AJAP1: variants seen among roughly 807,000 people sequenced by gnomAD.
AJAP1 encodes the protein adherens junctions associated protein 1.
A neutral mutation model predicts 35.0 loss-of-function variants in AJAP1; 5 were observed. The ratio of observed to expected loss-of-function variants is 0.14; its 90% CI spans 0.07 to 0.30. The LOEUF (loss-of-function observed/expected upper bound fraction) is 0.30, where lower values mean the gene tolerates loss of function less well. Among genes scored for constraint, AJAP1 ranks in the 10% least tolerant of loss-of-function variants. AJAP1 has a pLI of 1.00. For missense variants in AJAP1, 586 were observed against 571.0 expected (o/e 1.03, Z -0.27); for synonymous variants, 284 against 249.3 (o/e 1.14, Z -1.31).
At chr1:4,767,371 ATCG>A (rs928301862) in intron 2 of AJAP1, among the ~76,000 whole-genome samples, 1 of 151,962 alleles carries the variant, frequency 6.6e-6, no homozygotes, top group Non-Finnish European at 1.5e-5. Flanking sequence ...CATTATTACC[ATCG>A]TCACCATCAC....
At chr1:4,781,200 A>G (rs900787737) in intron 5 of AJAP1, among the ~76,000 whole-genome samples, 10 of 152,296 alleles carry the variant, frequency 6.6e-5, no homozygotes, top group Admixed American at 5.9e-4. Flanking sequence ...GAAGGCAGGC[A>G]TGTCCCACCT....
chr1:4,714,367 G>A (rs1364383140), intron 2 of AJAP1, among the ~76,000 whole-genome samples: 1 of 152,148 alleles, frequency 6.6e-6, no homozygotes, highest in Non-Finnish European at 1.5e-5. Flanking sequence ...AGTTTACAGA[G>A]TGTTCATTTT....
rs377213600 is a variant in AJAP1 at position 4,691,689 on chromosome 1, G to A, written c.30-20211G>A. On this transcript the variant is annotated intron_variant, in intron 1 of 5. Coordinates refer to ENST00000378191, the MANE Select transcript of AJAP1 (RefSeq NM_018836.4). ...CCCGCTGACTCCAGGAGTCAGGGGGGCTTAGGAAGGAGGGCCAGGACCTGA... is the reference window on the plus strand; with the variant it reads ...CCCGCTGACTCCAGGAGTCAGGGGGACTTAGGAAGGAGGGCCAGGACCTGA... 6.2e-4 allele frequency among the ~76,000 whole-genome samples: 94 copies of A among 152,286 alleles called. 1 individual carries two copies. The South Asian group carries it at 0.018, about 30-fold the overall frequency.
At position 4,712,089 on chromosome 1, in the gene AJAP1, G is replaced by A; in HGVS notation, c.219G>A (p.Arg73=). Residue 73 remains arginine, a synonymous_variant, in exon 2 of 6, where the codon CGG becomes CGA. Transcript: ENST00000378191. The part of the protein sequence containing the change: ...LWSFRSGQPA[R]VPAPVWSPRP... ...GTTTTAGGAGTGGACAGCCAGCGCG[G>A]GTCCCGGCCCCGGTGTGGAGCCCCC... The A allele has an allele frequency of 1.9e-6, 3 of 1,560,472 alleles. No individual in the cohort carries two copies. Among genetic ancestry groups the A allele is most frequent in the Non-Finnish European group, 2.6e-6 (3 of 1,160,118 alleles).
intron 4 of AJAP1, among the ~76,000 whole-genome samples, chr1:4,772,891 G>A (rs895658657): frequency 2.6e-5 from 4 of 152,084 alleles, no homozygotes; most frequent in Admixed American, 2.6e-4. Flanking sequence ...GATCACAACA[G>A]CCCCCCGACC....
chr1:4,755,074 GA>G (rs1002292914), intron 2 of AJAP1, among the ~76,000 whole-genome samples: 5 of 152,148 alleles, frequency 3.3e-5, no homozygotes, highest in African/African-American at 1.2e-4. Flanking sequence ...GCAGCCCATG[GA>G]GCCGTGGTTG....
At chr1:4,730,981 C>T (rs905887500) in intron 2 of AJAP1, among the ~76,000 whole-genome samples, 4 of 152,216 alleles carry the variant, frequency 2.6e-5, no homozygotes, top group African/African-American at 7.2e-5. Flanking sequence ...GACTCCTTGA[C>T]TTAAAAGGAG....
At chr1:4,768,850 A>G (rs1006734280) in intron 2 of AJAP1, among the ~76,000 whole-genome samples, 1 of 152,154 alleles carries the variant, frequency 6.6e-6, no homozygotes, top group East Asian at 1.9e-4. Context: ...GAAGGATGTG[A>G]CAGATGTGTA....
chr1:4,775,891 G>GC (rs1641930885), intron 5 of AJAP1, among the ~76,000 whole-genome samples: 1 of 152,210 alleles, frequency 6.6e-6, no homozygotes, highest in Non-Finnish European at 1.5e-5. Flanking sequence ...CATGAAGGGA[G>GC]CCCCTACTGG....
At chr1:4,780,617 TTTTC>T (rs1371937094) in intron 5 of AJAP1, among the ~76,000 whole-genome samples, 9 of 145,730 alleles carry the variant, frequency 6.2e-5, no homozygotes, top group Admixed American at 2.8e-4. Flanking sequence ...TTCTTTTTTC[TTTTC>T]TTTCTTTCTT....
At chr1:4,665,950 A>C (rs895598102) in intron 1 of AJAP1, among the ~76,000 whole-genome samples, 8 of 152,212 alleles carry the variant, frequency 5.3e-5, no homozygotes, top group African/African-American at 1.7e-4. Flanking sequence ...AGAGGAAGGA[A>C]GCCCATTGGG....
chr1:4,712,808 A>G (rs1050416281), intron 2 of AJAP1, 109 bp downstream of exon 2: 44 of 1,178,638 alleles, frequency 3.7e-5, no homozygotes, highest in Non-Finnish European at 5.1e-5. Context: ...TGGAGGCTCC[A>G]GGAGATGCAG....
chr1:4,701,061 C>A (rs771431569), intron 1 of AJAP1, among the ~76,000 whole-genome samples: 1 of 152,240 alleles, frequency 6.6e-6, no homozygotes, highest in Non-Finnish European at 1.5e-5. Context: ...GGGCACGTTG[C>A]CCAGGCAACC....
chr1:4,769,914 C>G lies in AJAP1; in HGVS notation c.891C>G (p.Leu297=). 1 of 1,614,068 alleles carries G rather than the reference C, an allele frequency of 6.2e-7. No individual in the cohort carries two copies. The highest frequency in any genetic ancestry group is 8.5e-7 in the Non-Finnish European group (1 of 1,179,922). The change falls in exon 3 of 6, where the codon CTC becomes CTG. Residue 297 remains leucine (L), a synonymous_variant. Coordinates refer to ENST00000378191, the MANE Select transcript of AJAP1 (RefSeq NM_018836.4). ...CCCTCATCATGGTCATAGCTGCTCTCATCACAACTCTTGTCTTAAAAAATT... is the reference window on the plus strand; with the variant it reads ...CCCTCATCATGGTCATAGCTGCTCTGATCACAACTCTTGTCTTAAAAAATT... ...TVSLIMVIAA[L]ITTLVLKNCC...
At chr1:4,680,794 C>T (rs1639465394) in intron 1 of AJAP1, among the ~76,000 whole-genome samples, 1 of 152,166 alleles carries the variant, frequency 6.6e-6, no homozygotes, top group East Asian at 1.9e-4. Flanking sequence ...TTCAGTGTCG[C>T]ATTGCTACTT....
Position 4,712,052 on chromosome 1 carries a change from C to T in AJAP1, c.182C>T (p.Pro61Leu). Reference sequence around the variant, plus strand: ...CTGCCGCGGTCGCCGCCCCGGCCGCCCCGGCTGTGGAGTTTTAGGAGTGGA... The same window carrying T: ...CTGCCGCGGTCGCCGCCCCGGCCGCTCCGGCTGTGGAGTTTTAGGAGTGGA... ...WLLPRSPPRP[P>L]RLWSFRSGQP... Residue 61 changes from proline to leucine, a missense_variant, in exon 2 of 6, where the codon CCC becomes CTC. Transcript: ENST00000378191. 6.3e-7 allele frequency: 1 copy of T among 1,587,572 alleles called. No homozygotes were observed. Among genetic ancestry groups the T allele is most frequent in the Non-Finnish European group, 8.5e-7 (1 of 1,170,876 alleles).
chr1:4,787,456 G>A lies in AJAP1; in HGVS notation c.*4971G>A, dbSNP rs1173867889. 2 of 282,782 alleles carry A rather than the reference G, an allele frequency of 7.1e-6. No homozygotes were observed. Among genetic ancestry groups the A allele is most frequent in the Non-Finnish European group, 1.4e-5 (2 of 141,534 alleles). 17.5% of individuals were successfully genotyped at this position (282,782 alleles called of 1,614,324 possible). On this transcript the variant is annotated 3_prime_UTR_variant, in exon 6 of 6. Coordinates refer to ENST00000378191, the MANE Select transcript of AJAP1 (RefSeq NM_018836.4). ...ATTACCACTTGCTGCTTGAGGGTTG[G>A]TCTGGTGTTGGATGGAGGAAGAAGG...
intron 2 of AJAP1, among the ~76,000 whole-genome samples, chr1:4,750,079 T>G (rs1374048305): frequency 2.0e-5 from 3 of 152,040 alleles, no homozygotes; most frequent in African/African-American, 7.2e-5. Flanking sequence ...TGTGTCTGGT[T>G]GTGTTTGGGT....
intron 2 of AJAP1, among the ~76,000 whole-genome samples, chr1:4,716,447 A>G (rs1386124522): frequency 1.3e-5 from 2 of 152,174 alleles, no homozygotes; most frequent in African/African-American, 4.8e-5. Context: ...TGCCTGGCAC[A>G]TAACAGTTTT....
Sources: allele counts gnomAD v4.1 joint callset (sites outside exome capture counted in the v4.1 genomes callset), GRCh38; gene constraint gnomAD v4.1.1; transcripts MANE v1.5; gene names NCBI Gene and HGNC (gene_info 2026-07-23, HGNC 2026-07-21).